The following MKI67 variants were observed in gnomAD, a reference collection of about 807,000 sequenced individuals.
The protein encoded by MKI67 is proliferation marker protein Ki-67.
In MKI67, 152 loss-of-function variants were observed where a neutral mutation model predicts 233.5. The observed-to-expected ratio is 0.65, with a 90% CI of 0.57 to 0.74. The LOEUF (loss-of-function observed/expected upper bound fraction) is 0.74, where lower values mean the gene tolerates loss of function less well. Among genes scored for constraint, MKI67 ranks in the 30% least tolerant of loss-of-function variants. The pLI is 0.00. For missense variants in MKI67, 3,940 were observed against 3,885.2 expected, an observed-to-expected ratio of 1.01 and a Z score of -0.37; for synonymous variants, 1,465 against 1,418.5, an observed-to-expected ratio of 1.03 and a Z score of -0.74.
rs1191577782 is a variant in MKI67 at position 128,104,500 on chromosome 10, G to C, written c.7340C>G (p.Pro2447Arg). ...AGTCATTGATTCCTCAGTGTGACCTGGTGTCTGGAAGAGTTCTTTGAAGCC... is the reference window on the plus strand; with the variant it reads ...AGTCATTGATTCCTCAGTGTGACCTCGTGTCTGGAAGAGTTCTTTGAAGCC... ...LVGFKELFQTPGHTEESMTDD... is the reference protein window; with the variant it reads ...LVGFKELFQTRGHTEESMTDD... The change falls in exon 13 of 15, where the codon CCA (proline) becomes CGA (arginine). Residue 2447 changes from proline to arginine, a missense_variant. Coordinates refer to ENST00000368654, the MANE Select transcript of MKI67 (RefSeq NM_002417.5). The C allele has an allele frequency of 3.7e-6, 6 of 1,614,050 alleles. No homozygotes were observed. Among genetic ancestry groups the C allele is most frequent in the Non-Finnish European group, 3.4e-6 (4 of 1,180,042 alleles).
At position 128,106,750 on chromosome 10, in the gene MKI67, A is replaced by G; in HGVS notation, c.5090T>C (p.Leu1697Pro). The change falls in exon 13 of 15, where the codon CTG becomes CCG. Residue 1697 changes from leucine to proline, a missense_variant. Transcript: ENST00000368654. ...AASLTGSKRQ[L>P]RTPKGKSEVP... The stretch of plus-strand genomic sequence containing the variant: ...TTCAGACTTTCCCTTAGGAGTTCTC[A>G]GCTGCCTCTTGCTGCCAGTTAGACT... The G allele has an allele frequency of 6.2e-7, 1 of 1,613,922 alleles. No individual in the cohort carries two copies. The highest frequency in any genetic ancestry group is 8.5e-7 in the Non-Finnish European group (1 of 1,179,980).
Position 128,105,491 on chromosome 10 carries a change from T to C in MKI67, c.6349A>G (p.Thr2117Ala), listed in dbSNP as rs1852461953. ...AAAGGTGTTTTGGGCCGCCTCCTTG[T>C]GCTTGTTGGAGTGTCCATTGATTCT... ...PPESMDTPTS[T>A]RRRPKTPLGK... Residue 2117 changes from threonine (T) to alanine (A), a missense_variant, in exon 13 of 15, where the codon ACA becomes GCA. Transcript: ENST00000368654. 1 of 1,613,882 alleles carries C rather than the reference T, an allele frequency of 6.2e-7. No individual in the cohort carries two copies. Among genetic ancestry groups the C allele is most frequent in the African/African-American group, 1.3e-5 (1 of 74,832 alleles).
Position 128,103,888 on chromosome 10 carries a change from T to C in MKI67, c.7952A>G (p.Lys2651Arg). 6.2e-7 allele frequency: 1 copy of C among 1,614,086 alleles called. No homozygotes were observed. Among genetic ancestry groups the C allele is most frequent in the Non-Finnish European group, 8.5e-7 (1 of 1,180,024 alleles). ...EGIKVLKQRA[K>R]KKPNPVEEEP... ...CTCTTCTACTGGGTTTGGTTTCTTCTTTGCACGTTGCTTCAATACTTTGAT... is the reference window on the plus strand; with the variant it reads ...CTCTTCTACTGGGTTTGGTTTCTTCCTTGCACGTTGCTTCAATACTTTGAT... The change falls in exon 13 of 15, where the codon AAG becomes AGG. Residue 2651 changes from lysine (K) to arginine (R), a missense_variant. Physicochemically the swap from Lys to Arg is conservative, Grantham distance 26 (BLOSUM62 2). Transcript: ENST00000368654.
intron 5 of MKI67, among the ~76,000 whole-genome samples, chr10:128,117,195 CT>C (rs2066177015): frequency 6.6e-6 from 1 of 151,762 alleles, no homozygotes; most frequent in South Asian, 2.1e-4. Flanking sequence ...ATCACCTATA[CT>C]GAAGATCTGT....
At chr10:128,120,953 G>T (rs1852922338) in intron 4 of MKI67, among the ~76,000 whole-genome samples, 2 of 152,118 alleles carry the variant, frequency 1.3e-5, no homozygotes, top group African/African-American at 4.8e-5. Flanking sequence ...CTGACAACAG[G>T]TTCCAAGAGA....
At chr10:128,119,477 C>T (rs1054416768) in intron 4 of MKI67, among the ~76,000 whole-genome samples, 158 bp from the exon 5 acceptor site, 3 of 152,172 alleles carry the variant, frequency 2.0e-5, no homozygotes, top group Non-Finnish European at 4.4e-5. Context: ...TAGAAAAGTG[C>T]TTTTACACTA....
At position 128,115,744 on chromosome 10, in the gene MKI67, G is replaced by A. The variant is rs767515257; in HGVS notation, c.664C>T (p.Pro222Ser). Residue 222 changes from proline to serine, a missense_variant, in exon 7 of 15, where the codon CCC (proline) becomes TCC (serine). By Grantham distance (74) the Pro-to-Ser change is moderately conservative. Coordinates refer to ENST00000368654, the MANE Select transcript of MKI67 (RefSeq NM_002417.5). ...VSRYGELKSV[P>S]TTQCLDNSKK... The stretch of plus-strand genomic sequence containing the variant: ...CTATTGTCAAGACATTGTGTAGTGG[G>A]AACAGACTTCAATTCTCCATAACGG... 3.1e-6 allele frequency: 5 copies of A among 1,613,422 alleles called. No homozygotes were observed. The East Asian group carries it at 6.7e-5, about 22-fold the overall frequency.
Position 128,105,065 on chromosome 10 carries a change from T to C in MKI67, c.6775A>G (p.Thr2259Ala). ...EEESLALRKRTPSVGKAMDTP... is the reference protein window; with the variant it reads ...EEESLALRKRAPSVGKAMDTP... ...TCCATAGCTTTCCCTACTGATGGTG[T>C]TCGTTTCCTGAGTGCTAAGGATTCT... The change falls in exon 13 of 15, where the codon ACA becomes GCA. Residue 2259 changes from threonine to alanine, a missense_variant. Physicochemically the swap from Thr to Ala is moderately conservative, Grantham distance 58. Coordinates refer to ENST00000368654, the MANE Select transcript of MKI67 (RefSeq NM_002417.5). The C allele has an allele frequency of 1.9e-6, 3 of 1,614,066 alleles. No homozygotes were observed. The highest frequency in any genetic ancestry group is 2.5e-6 in the Non-Finnish European group (3 of 1,180,024).
intron 2 of MKI67, among the ~76,000 whole-genome samples, chr10:128,124,439 C>T (rs1853014893): frequency 6.6e-6 from 1 of 152,110 alleles, no homozygotes; most frequent in Non-Finnish European, 1.5e-5. Flanking sequence ...CAGCGCATGC[C>T]CCTGTCCTAT....
rs201775016 is a variant in MKI67, at chr10:128,112,247, T to C, written c.1855A>G (p.Arg619Gly). 1 of 1,614,234 alleles carries C rather than the reference T, an allele frequency of 6.2e-7. No individual in the cohort carries two copies. Among genetic ancestry groups the C allele is most frequent in the East Asian group, 2.2e-5 (1 of 44,878 alleles). Residue 619 changes from arginine (R) to glycine (G), a missense_variant, in exon 9 of 15, where the codon AGA becomes GGA. Transcript: ENST00000368654. ...SQTEVPKRGG[R>G]KSGNLPSKRV... is the part of the protein sequence containing the mutation. ...TTTGAAGGCAGGTTGCCACTCTTTC[T>C]CCCTCCTCTCTTAGGAACCTCTGTC...
In MKI67 at chr10:128,097,746, TGCA is replaced by T. The variant is rs1307215275; in HGVS notation, c.*1441_*1443del. On this transcript the variant is annotated 3_prime_UTR_variant, in exon 15 of 15. Transcript: ENST00000368654. ...GCCCTGGTGCAATCCCTGTACCCTT[TGCA>T]GCCCTGTGAAGCCCTCAGATGTCCC... 6.6e-6 allele frequency: 1 copy of T among 152,488 alleles called. No individual in the cohort carries two copies. The highest frequency in any genetic ancestry group is 1.5e-5 in the Non-Finnish European group (1 of 68,206). The allele number at this position is 152,488 out of a possible 1,614,324, so 9.4% of individuals were successfully genotyped here.
intron 4 of MKI67, among the ~76,000 whole-genome samples, chr10:128,121,429 A>G (rs1015399253): frequency 7.1e-6 from 1 of 140,982 alleles, no homozygotes; most frequent in African/African-American, 2.6e-5. Context: ...TATATACCAT[A>G]TAGTATATAC....
In MKI67 at chr10:128,115,269, C is replaced by A; in HGVS notation, c.1139G>T (p.Ser380Ile). 6.2e-7 allele frequency: 1 copy of A among 1,614,130 alleles called. No homozygotes were observed. Among genetic ancestry groups the A allele is most frequent in the Non-Finnish European group, 8.5e-7 (1 of 1,180,022 alleles). Residue 380 changes from serine to isoleucine, a missense_variant, in exon 7 of 15, where the codon AGT becomes ATT. Ser to Ile is a moderately radical substitution (Grantham distance 142, BLOSUM62 -2). Coordinates refer to ENST00000368654, the MANE Select transcript of MKI67 (RefSeq NM_002417.5). ...GRRESVNLGK[S>I]EGFKAGDKTL... Reference sequence around the variant, plus strand: ...TTTATCACCAGCCTTGAAGCCTTCACTTTTACCCAGATTCACAGATTCTCT... The same window carrying A: ...TTTATCACCAGCCTTGAAGCCTTCAATTTTACCCAGATTCACAGATTCTCT...
intron 13 of MKI67, among the ~76,000 whole-genome samples, chr10:128,102,011 G>A (rs1310698362): frequency 2.0e-5 from 3 of 152,146 alleles, no homozygotes; most frequent in East Asian, 3.8e-4. Context: ...AAGAAGGTCC[G>A]TTATTCATTC....
Position 128,114,969 on chromosome 10 carries a change from C to T in MKI67, c.1439G>A (p.Gly480Asp), listed in dbSNP as rs759611844. The change falls in exon 7 of 15, where the codon GGT (glycine) becomes GAT (aspartate). Residue 480 changes from glycine (G) to aspartate (D), a missense_variant. Coordinates refer to ENST00000368654, the MANE Select transcript of MKI67 (RefSeq NM_002417.5). Reference sequence around the variant, plus strand: ...GTTGTTGATATCAACTGAACTAAGACCAGGTAACCCAGAGCACATCTGTCC... The same window carrying T: ...GTTGTTGATATCAACTGAACTAAGATCAGGTAACCCAGAGCACATCTGTCC... The part of the protein sequence containing the change: ...TAGQMCSGLP[G>D]LSSVDINNFG... The T allele has an allele frequency of 1.3e-6, 2 of 1,582,574 alleles. No homozygotes were observed. The highest frequency in any genetic ancestry group is 1.7e-6 in the Non-Finnish European group (2 of 1,160,684).
chr10:128,123,878 A>C (rs990668359), intron 2 of MKI67, among the ~76,000 whole-genome samples: 1 of 152,264 alleles, frequency 6.6e-6, no homozygotes, highest in Admixed American at 6.5e-5. Flanking sequence ...CAGAAGAGAC[A>C]ATTCCTAAAC....
In MKI67 at chr10:128,102,800, A is replaced by C; in HGVS notation, c.9040T>G (p.Cys3014Gly). 6.2e-7 allele frequency: 1 copy of C among 1,614,192 alleles called. No homozygotes were observed. Among genetic ancestry groups the C allele is most frequent in the Non-Finnish European group, 8.5e-7 (1 of 1,180,030 alleles). The change falls in exon 13 of 15, where the codon TGC becomes GGC. Residue 3014 changes from cysteine to glycine, a missense_variant. Transcript: ENST00000368654. ...ACAATTTCCTCTGGTGCTGGCATGC[A>C]GCGCAGCCTCTTGGTTCCCGTGACG... ...GSVTGTKRLR[C>G]MPAPEEIVEE...
In MKI67 at chr10:128,103,849, C is replaced by T. The variant is rs138997814; in HGVS notation, c.7991G>A (p.Arg2664Lys). ...CTTTTCCTTAGGTGCTCTTGGCCTT[C>T]TCCTGCTGGGTTCCTCTTCTACTGG... is the stretch of plus-strand genomic sequence containing the variant. The part of the protein sequence containing the change: ...PNPVEEEPSR[R>K]RPRAPKEKAQ... Residue 2664 changes from arginine to lysine, a missense_variant, in exon 13 of 15, where the codon AGA (arginine) becomes AAA (lysine). Physicochemically the swap from Arg to Lys is conservative, Grantham distance 26. Coordinates refer to ENST00000368654, the MANE Select transcript of MKI67 (RefSeq NM_002417.5). 1.6e-4 allele frequency: 251 copies of T among 1,614,066 alleles called. 1 individual carries two copies. The African/African-American group carries it at 2.9e-3, about 19-fold the overall frequency.
At position 128,115,768 on chromosome 10, in the gene MKI67, G is replaced by A. The variant is rs751915897; in HGVS notation, c.640C>T (p.Arg214Cys). 42 of 1,612,896 alleles carry A rather than the reference G, an allele frequency of 2.6e-5. No individual in the cohort carries two copies. Among genetic ancestry groups the A allele is most frequent in the Middle Eastern group, 3.3e-4 (2 of 6,082 alleles). Residue 214 changes from arginine (R) to cysteine (C), a missense_variant, in exon 7 of 15, where the codon CGT becomes TGT. Physicochemically the swap from Arg to Cys is radical, Grantham distance 180. Transcript: ENST00000368654. ...KEISSVKLVS[R>C]YGELKSVPTT... ...GGAACAGACTTCAATTCTCCATAAC[G>A]GCTCACTAATTTAACGCTGGAAATT...
Sources: allele counts gnomAD v4.1 joint callset (sites outside exome capture counted in the v4.1 genomes callset), GRCh38; gene constraint gnomAD v4.1.1; transcripts MANE v1.5; gene names NCBI Gene and HGNC (gene_info 2026-07-23, HGNC 2026-07-21).